The following PLCB1 variants were observed in gnomAD, a reference collection of about 807,000 sequenced individuals.
PLCB1 encodes 1-phosphatidylinositol 4,5-bisphosphate phosphodiesterase beta-1.
PLCB1 carries 46 observed loss-of-function variants against 161.8 expected under a neutral mutation model. The ratio of observed to expected loss-of-function variants is 0.28; its 90% CI spans 0.22 to 0.36. PLCB1 has a LOEUF of 0.36. Ranked by LOEUF, PLCB1 falls within the 10% of genes least tolerant of loss-of-function variation. The pLI, the probability that PLCB1 is intolerant of heterozygous loss-of-function variation, is 1.00. For synonymous variants in PLCB1, 517 were observed against 503.7 expected (o/e 1.03, Z -0.35); for missense variants, 1,016 against 1,472.5 (o/e 0.69, Z 5.07).
At position 8,792,886 on chromosome 20, in the gene PLCB1, T is replaced by G. The variant is rs935148877; in HGVS notation, c.3423+2625T>G. ...AAAGAACAAAATCAAGTGTGAGACA[T>G]GTGAAGAAAGACCAAAGCACAGGAC... On this transcript the variant is annotated intron_variant, in intron 31 of 31. Coordinates refer to ENST00000338037, the MANE Select transcript of PLCB1 (RefSeq NM_015192.4). 3 of 317,268 alleles carry G rather than the reference T, an allele frequency of 9.5e-6. No individual in the cohort carries two copies. In the Admixed American group the frequency reaches 1.2e-4, roughly 13 times the overall value. 19.7% of individuals were successfully genotyped at this position (317,268 alleles called of 1,614,324 possible).
At chr20:8,433,105 T>G (rs181297114) in intron 3 of PLCB1, among the ~76,000 whole-genome samples, 1 of 152,296 alleles carries the variant, frequency 6.6e-6, no homozygotes, top group Admixed American at 6.5e-5. Flanking sequence ...TACAATTAGC[T>G]TTAGGGAGGA....
At chr20:8,247,094 A>G (rs1335749714) in intron 2 of PLCB1, among the ~76,000 whole-genome samples, 1 of 151,954 alleles carries the variant, frequency 6.6e-6, no homozygotes, top group Non-Finnish European at 1.5e-5. Context: ...CATATTCTCA[A>G]TATTACCACA....
At chr20:8,269,039 T>C (rs1304253106) in intron 2 of PLCB1, among the ~76,000 whole-genome samples, 1 of 1,632 alleles carries the variant, frequency 6.1e-4, no homozygotes, top group African/African-American at 6.5e-4. Flanking sequence ...TCAGTCTACC[T>C]GGCTCTGCAC....
At chr20:8,681,084 G>GTGTA (rs1555782770) in intron 9 of PLCB1, among the ~76,000 whole-genome samples, 1 of 39,792 alleles carries the variant, frequency 2.5e-5, no homozygotes, top group Non-Finnish European at 4.6e-5. Context: ...ATATGTGTGT[G>GTGTA]TGTATATATA....
intron 31 of PLCB1, among the ~76,000 whole-genome samples, chr20:8,791,674 C>T (rs1171827867): frequency 3.3e-5 from 5 of 151,306 alleles, no homozygotes; most frequent in Non-Finnish European, 7.4e-5. Flanking sequence ...TTTGGTTCAA[C>T]AATGTTAACT....
At chr20:8,509,997 A>G (rs1983813115) in intron 3 of PLCB1, among the ~76,000 whole-genome samples, 1 of 152,206 alleles carries the variant, frequency 6.6e-6, no homozygotes, top group Admixed American at 6.5e-5. Flanking sequence ...TGAAACACTT[A>G]TTATTCACCA....
intron 2 of PLCB1, among the ~76,000 whole-genome samples, chr20:8,283,780 G>C (rs962357551): frequency 6.6e-6 from 1 of 151,876 alleles, no homozygotes; most frequent in Non-Finnish European, 1.5e-5. Context: ...TCATTTAATA[G>C]TTAACAAATG....
At chr20:8,619,623 A>G (rs1420338361) in intron 3 of PLCB1, among the ~76,000 whole-genome samples, 1 of 152,146 alleles carries the variant, frequency 6.6e-6, no homozygotes, top group Non-Finnish European at 1.5e-5. Flanking sequence ...AGACATTGCT[A>G]TTATCATTGT....
rs116647467 is a variant in PLCB1 at position 8,332,381 on chromosome 20, C to T, written c.178-39001C>T. 5.7e-3 allele frequency among the ~76,000 whole-genome samples: 874 copies of T among 152,218 alleles called. 6 individuals carry two copies. Among genetic ancestry groups the T allele is most frequent in the African/African-American group, 0.019 (800 of 41,522 alleles). ...CTAAGGTGGAAAAACCTAAATAGAT[C>T]CCAAAATACATAGAATTTCAATGTG... On this transcript the variant is annotated intron_variant, in intron 2 of 31. Coordinates refer to ENST00000338037, the MANE Select transcript of PLCB1 (RefSeq NM_015192.4).
chr20:8,378,489 CAATTA>C (rs551687658), intron 3 of PLCB1, among the ~76,000 whole-genome samples: 24 of 152,102 alleles, frequency 1.6e-4, no homozygotes, highest in East Asian at 3.9e-4. Context: ...CATAATTTTA[CAATTA>C]AATTAAATAA....
chr20:8,512,509 T>G (rs537788704), intron 3 of PLCB1, among the ~76,000 whole-genome samples: 7 of 152,216 alleles, frequency 4.6e-5, no homozygotes, highest in African/African-American at 1.2e-4. Flanking sequence ...GGAGAAATTC[T>G]GTGATGTCAA....
chr20:8,543,497 T>C (rs1188383958), intron 3 of PLCB1, among the ~76,000 whole-genome samples: 1 of 151,874 alleles, frequency 6.6e-6, no homozygotes, highest in East Asian at 1.9e-4. Flanking sequence ...TTAAGGGTAA[T>C]AGAAATATTC....
chr20:8,484,850 T>C (rs905251866), intron 3 of PLCB1, among the ~76,000 whole-genome samples: 2 of 152,190 alleles, frequency 1.3e-5, no homozygotes, highest in Non-Finnish European at 2.9e-5. Context: ...CCAATTCAAA[T>C]AGAAACTCCA....
intron 31 of PLCB1, among the ~76,000 whole-genome samples, chr20:8,840,462 C>T (rs1033962920): frequency 2.6e-5 from 4 of 152,138 alleles, no homozygotes; most frequent in African/African-American, 9.7e-5. Flanking sequence ...GTAGCAAGAA[C>T]ATGGTGAGCT....
chr20:8,703,558 A>G (rs1978491103), intron 11 of PLCB1, among the ~76,000 whole-genome samples: 1 of 152,198 alleles, frequency 6.6e-6, no homozygotes, highest in Non-Finnish European at 1.5e-5. Flanking sequence ...GGCCTTGGTT[A>G]GGGGCCCAGT....
intron 4 of PLCB1, among the ~76,000 whole-genome samples, chr20:8,629,026 A>G (rs773652692): frequency 2.6e-5 from 4 of 152,150 alleles, no homozygotes; most frequent in Non-Finnish European, 4.4e-5. Flanking sequence ...TATTTCATCT[A>G]AACACTTTCT....
At chr20:8,194,920 A>C (rs182957520) in intron 2 of PLCB1, among the ~76,000 whole-genome samples, 7 of 151,996 alleles carry the variant, frequency 4.6e-5, no homozygotes, top group Admixed American at 6.6e-5. Context: ...TGCTCACTGA[A>C]AAGCAGTGTA....
chr20:8,797,752 G>T (rs1173776650), intron 31 of PLCB1, among the ~76,000 whole-genome samples: 2 of 152,168 alleles, frequency 1.3e-5, no homozygotes, highest in African/African-American at 4.8e-5. Context: ...ACCTTTCAAG[G>T]CTATCAAAGG....
At chr20:8,550,766 C>T (rs1433183940) in intron 3 of PLCB1, among the ~76,000 whole-genome samples, 3 of 152,160 alleles carry the variant, frequency 2.0e-5, no homozygotes, top group Non-Finnish European at 4.4e-5. Context: ...ACATCAAATT[C>T]ACCATGTATA....
Sources: gnomAD v4.1 joint callset for allele counts (sites outside exome capture counted in the v4.1 genomes callset) on GRCh38, gnomAD v4.1.1 for gene constraint, MANE v1.5 for transcripts, NCBI Gene and HGNC (gene_info 2026-07-23, HGNC 2026-07-21) for gene names.